The following HPSE2 variants were observed in gnomAD, a reference collection of about 807,000 sequenced individuals.
The protein encoded by HPSE2 is inactive heparanase-2.
Under a neutral mutation model 60.5 loss-of-function variants are expected in HPSE2, and 38 were observed. That is an observed-to-expected ratio of 0.63 (90% CI 0.48 to 0.82). The LOEUF (loss-of-function observed/expected upper bound fraction) is 0.82, where lower values mean the gene tolerates loss of function less well. Ranked by LOEUF, HPSE2 falls within the 40% of genes least tolerant of loss-of-function variation. The probability of loss-of-function intolerance (pLI) is 0.00; values close to 1 mark genes in which losing one functional copy is unlikely to be tolerated. For missense variants in HPSE2, 713 were observed against 740.4 expected, an observed-to-expected ratio of 0.96 and a Z score of 0.43; for synonymous variants, 295 against 293.2, an observed-to-expected ratio of 1.01 and a Z score of -0.06.
intron 3 of HPSE2, among the ~76,000 whole-genome samples, chr10:98,845,411 G>C (rs1245818565): frequency 6.6e-6 from 1 of 152,142 alleles, no homozygotes; most frequent in Non-Finnish European, 1.5e-5. Context: ...CTCCTATATA[G>C]ACCTTTCTTT....
chr10:99,095,181 G>A (rs1843676764), intron 3 of HPSE2, among the ~76,000 whole-genome samples: 1 of 151,244 alleles, frequency 6.6e-6, no homozygotes, highest in Non-Finnish European at 1.5e-5. Flanking sequence ...CTGAGACTTT[G>A]TCTTTTGGAA....
At chr10:98,812,362 C>T (rs1399365518) in intron 3 of HPSE2, among the ~76,000 whole-genome samples, 1 of 152,114 alleles carries the variant, frequency 6.6e-6, no homozygotes, top group African/African-American at 2.4e-5. Flanking sequence ...TAAAGGGCTA[C>T]TCCAGGAATT....
intron 3 of HPSE2, among the ~76,000 whole-genome samples, chr10:99,108,959 T>A (rs1288078394): frequency 1.3e-5 from 2 of 152,154 alleles, no homozygotes; most frequent in Non-Finnish European, 2.9e-5. Flanking sequence ...TTTATCCTTA[T>A]CTCTAAGAGT....
At chr10:98,902,754 G>T (rs895645193) in intron 3 of HPSE2, among the ~76,000 whole-genome samples, 6 of 152,108 alleles carry the variant, frequency 3.9e-5, no homozygotes, top group Non-Finnish European at 7.4e-5. Context: ...ATAAATTTTA[G>T]TTAATGATAT....
intron 3 of HPSE2, among the ~76,000 whole-genome samples, chr10:98,779,578 T>C (rs1200580616): frequency 6.6e-6 from 1 of 152,108 alleles, no homozygotes; most frequent in African/African-American, 2.4e-5. Flanking sequence ...TCTAACAGAG[T>C]TATCTTCAGA....
chr10:98,537,647 G>A (rs1589384243), intron 9 of HPSE2, among the ~76,000 whole-genome samples: 1 of 152,306 alleles, frequency 6.6e-6, no homozygotes, highest in African/African-American at 2.4e-5. Context: ...CATAAGGGCC[G>A]CTTGAGGGCT....
chr10:99,206,781 A>G (rs1031946338), intron 2 of HPSE2, among the ~76,000 whole-genome samples: 7 of 151,886 alleles, frequency 4.6e-5, no homozygotes, highest in African/African-American at 1.7e-4. Flanking sequence ...GAAAAATGCA[A>G]TAGAGAGCCT....
chr10:98,949,373 T>C (rs947650456), intron 3 of HPSE2, among the ~76,000 whole-genome samples: 2 of 152,112 alleles, frequency 1.3e-5, no homozygotes, highest in African/African-American at 4.8e-5. Flanking sequence ...AGTATTTCTA[T>C]GGCATTTCTC....
intron 6 of HPSE2, among the ~76,000 whole-genome samples, chr10:98,681,498 ATACAT>A (rs1455193921): frequency 3.3e-5 from 5 of 152,208 alleles, no homozygotes; most frequent in Admixed American, 3.3e-4. Flanking sequence ...ATGGAATTTG[ATACAT>A]TACAACATGA....
At chr10:99,222,982 A>G (rs1210210635) in intron 2 of HPSE2, among the ~76,000 whole-genome samples, 1 of 152,212 alleles carries the variant, frequency 6.6e-6, no homozygotes, top group Non-Finnish European at 1.5e-5. Context: ...GAATGGACGA[A>G]TAAATAGGAC....
chr10:99,116,372 T>A (rs1844691544), intron 3 of HPSE2, among the ~76,000 whole-genome samples: 1 of 152,188 alleles, frequency 6.6e-6, no homozygotes, highest in East Asian at 1.9e-4. Flanking sequence ...GGCATTTATA[T>A]TTTTACAGTC....
At position 98,940,976 on chromosome 10, in the gene HPSE2, C is replaced by G. The variant is rs1265535015; in HGVS notation, c.611-196920G>C. Reference sequence around the variant, plus strand: ...TCCAGCATATAAACAGAACCAAAGACAAAAACCACATGATTATCTCAATAG... The same window carrying G: ...TCCAGCATATAAACAGAACCAAAGAGAAAAACCACATGATTATCTCAATAG... On this transcript the variant is annotated intron_variant, in intron 3 of 11. Transcript: ENST00000370552. 2.6e-4 allele frequency among the ~76,000 whole-genome samples: 34 copies of G among 128,748 alleles called. 3 individuals carry two copies. Among genetic ancestry groups the G allele is most frequent in the Non-Finnish European group, 4.9e-4 (31 of 63,716 alleles). 84.5% of individuals were successfully genotyped at this position (128,748 alleles called of 152,430 possible). A position where few individuals can be genotyped will look rare whatever the true frequency, so the allele number is the denominator to read the frequency against.
intron 3 of HPSE2, among the ~76,000 whole-genome samples, chr10:99,025,541 T>G (rs1444030357): frequency 6.6e-6 from 1 of 152,168 alleles, no homozygotes; most frequent in Non-Finnish European, 1.5e-5. Flanking sequence ...CAAGATCATG[T>G]ATTTTGCAGG....
chr10:99,099,493 G>A (rs1843859600), intron 3 of HPSE2, among the ~76,000 whole-genome samples: 1 of 152,230 alleles, frequency 6.6e-6, no homozygotes, highest in Non-Finnish European at 1.5e-5. Flanking sequence ...AAAGCAGGCT[G>A]GAAGCTTGAA....
At chr10:99,036,320 G>A (rs1230936536) in intron 3 of HPSE2, among the ~76,000 whole-genome samples, 1 of 152,146 alleles carries the variant, frequency 6.6e-6, no homozygotes, top group Non-Finnish European at 1.5e-5. Flanking sequence ...TCAAGATGGG[G>A]AAAATATAGA....
chr10:98,857,790 G>C (rs540038125), intron 3 of HPSE2, among the ~76,000 whole-genome samples: 1 of 152,098 alleles, frequency 6.6e-6, no homozygotes, highest in Non-Finnish European at 1.5e-5. Context: ...TCCATTATCT[G>C]AAACAGGGAA....
the HPSE2 span, among the ~76,000 whole-genome samples, chr10:99,269,391 C>A: frequency 6.6e-6 from 1 of 151,850 alleles, no homozygotes; most frequent in Admixed American, 6.6e-5. Context: ...ATAACTTGTC[C>A]AACACAAAAA....
At chr10:98,990,033 A>G (rs182438749) in intron 3 of HPSE2, among the ~76,000 whole-genome samples, 1 of 152,308 alleles carries the variant, frequency 6.6e-6, no homozygotes, top group Non-Finnish European at 1.5e-5. Context: ...GGCGCAAACA[A>G]AAGAAGTAAA....
At chr10:99,009,775 T>C (rs1385427960) in intron 3 of HPSE2, among the ~76,000 whole-genome samples, 2 of 152,182 alleles carry the variant, frequency 1.3e-5, no homozygotes, top group Non-Finnish European at 2.9e-5. Flanking sequence ...GGCACCAAAA[T>C]AGAGTTGCTC....
Sources: gnomAD v4.1 joint callset for allele counts (sites outside exome capture counted in the v4.1 genomes callset) on GRCh38, gnomAD v4.1.1 for gene constraint, MANE v1.5 for transcripts, NCBI Gene and HGNC (gene_info 2026-07-23, HGNC 2026-07-21) for gene names.